Variants in DLGAP1 observed in about 807,000 individuals in gnomAD.
The protein encoded by DLGAP1 is disks large-associated protein 1.
A neutral mutation model predicts 90.8 loss-of-function variants in DLGAP1; 11 were observed. That is an observed-to-expected ratio of 0.12 (90% CI 0.08 to 0.20). The LOEUF is 0.20. DLGAP1 is among the 10% of genes least tolerant of loss of function. The pLI is 1.00. For missense variants in DLGAP1, 1,050 were observed against 1,333.8 expected (o/e 0.79, Z 3.31); for synonymous variants, 558 against 540.7 (o/e 1.03, Z -0.44).
intron 7 of DLGAP1, among the ~76,000 whole-genome samples, chr18:3,654,492 G>T (rs540744264): frequency 7.5e-4 from 114 of 152,308 alleles, no homozygotes; most frequent in South Asian, 1.9e-3. Flanking sequence ...GTGGAATACT[G>T]CACTCAAACC....
intron 2 of DLGAP1, among the ~76,000 whole-genome samples, chr18:4,048,059 A>G (rs766591417): frequency 1.4e-4 from 22 of 152,098 alleles, no homozygotes; most frequent in Non-Finnish European, 2.6e-4. Context: ...TGGCCTCTCA[A>G]AGTGCTGGGA....
At chr18:4,367,908 C>T (rs777670321) in intron 1 of DLGAP1, among the ~76,000 whole-genome samples, 1 of 151,804 alleles carries the variant, frequency 6.6e-6, no homozygotes, top group Non-Finnish European at 1.5e-5. Context: ...ATTTAGTTGG[C>T]CACGTATTTT....
chr18:4,338,159 C>T (rs1464498430), intron 1 of DLGAP1, among the ~76,000 whole-genome samples: 1 of 152,128 alleles, frequency 6.6e-6, no homozygotes, highest in East Asian at 1.9e-4. Context: ...CATCTATTTT[C>T]CACTGTCAAG....
In DLGAP1 at chr18:3,766,600, A is replaced by G. The variant is rs945124560; in HGVS notation, c.1173-24088T>C. ...CATAAAAAAAAACTCAACAAACTTG[A>G]AAGAACTGAAATATACATAGTGTAT... is the stretch of plus-strand genomic sequence containing the variant. On this transcript the variant is annotated intron_variant, in intron 5 of 12. Coordinates refer to ENST00000315677, the MANE Select transcript of DLGAP1 (RefSeq NM_004746.4). Among the ~76,000 whole-genome samples, 64 of 152,300 alleles carry G rather than the reference A, an allele frequency of 4.2e-4. 1 individual carries two copies. The highest frequency in any genetic ancestry group is 1.5e-3 in the African/African-American group (61 of 41,554).
At chr18:4,156,774 C>CT (rs1304477614) in intron 1 of DLGAP1, among the ~76,000 whole-genome samples, 2 of 152,090 alleles carry the variant, frequency 1.3e-5, no homozygotes, top group Non-Finnish European at 2.9e-5. Flanking sequence ...ACAGATCTTG[C>CT]TTTTTTTACT....
intron 5 of DLGAP1, among the ~76,000 whole-genome samples, chr18:3,761,694 G>A (rs938453981): frequency 4.6e-5 from 7 of 151,954 alleles, no homozygotes; most frequent in Admixed American, 2.0e-4. Context: ...TCCTGCTTCA[G>A]CCTCCTGAGT....
rs571153124 is a variant in DLGAP1 at position 4,042,583 on chromosome 18, C to CA, written c.-158-37383dup. 5.3e-5 allele frequency among the ~76,000 whole-genome samples: 8 copies of CA among 152,094 alleles called. 1 individual carries two copies. In the East Asian group the frequency reaches 1.4e-3, roughly 26 times the overall value. On this transcript the variant is annotated intron_variant, in intron 2 of 12. Transcript: ENST00000315677. ...TGAAACCTTGTCTCTACTAAAAATACAAAAAATTAGCTGGTCAGGGGTGGC... is the reference window on the plus strand; with the variant it reads ...TGAAACCTTGTCTCTACTAAAAATACAAAAAAATTAGCTGGTCAGGGGTGGC...
chr18:3,742,407 T>C lies in DLGAP1; in HGVS notation c.1278A>G (p.Ala426=). Residue 426 remains alanine (A), a synonymous_variant, in exon 6 of 13, where the codon GCA becomes GCG. Transcript: ENST00000315677. The stretch of plus-strand genomic sequence containing the variant: ...GGAACTTTGGTGATGTGAGCAAGCC[T>C]GCAGGGTCCAGGCTGTCCAGGCTCC... ...INRSLDSLDP[A]GLLTSPKFRS... is the part of the protein sequence containing the mutation. The C allele has an allele frequency of 1.9e-6, 3 of 1,614,184 alleles. No homozygotes were observed. Among genetic ancestry groups the C allele is most frequent in the Non-Finnish European group, 2.5e-6 (3 of 1,180,028 alleles).
chr18:3,755,650 A>G (rs748036015), intron 5 of DLGAP1, among the ~76,000 whole-genome samples: 2 of 152,212 alleles, frequency 1.3e-5, no homozygotes, highest in Non-Finnish European at 2.9e-5. Context: ...GCACCTAACA[A>G]TAGAGTCCCA....
At chr18:4,081,363 C>G (rs2075605936) in intron 2 of DLGAP1, among the ~76,000 whole-genome samples, 1 of 151,102 alleles carries the variant, frequency 6.6e-6, no homozygotes, top group Admixed American at 6.6e-5. Context: ...GACCTTCCAA[C>G]AAACCTTCAG....
chr18:4,389,516 G>C (rs957479082), intron 1 of DLGAP1, among the ~76,000 whole-genome samples: 1 of 152,148 alleles, frequency 6.6e-6, no homozygotes, highest in Non-Finnish European at 1.5e-5. Context: ...AATGTTCTGT[G>C]TAATTTACTA....
chr18:4,213,224 A>G (rs1233437318), intron 1 of DLGAP1, among the ~76,000 whole-genome samples: 1 of 152,140 alleles, frequency 6.6e-6, no homozygotes, highest in Non-Finnish European at 1.5e-5. Flanking sequence ...CTTTACTCTG[A>G]GGGCGAAGAG....
intron 2 of DLGAP1, among the ~76,000 whole-genome samples, chr18:4,024,605 AG>A (rs1439974739): frequency 6.6e-5 from 10 of 152,198 alleles, no homozygotes; most frequent in African/African-American, 2.4e-4. Flanking sequence ...TCTGTCTAGA[AG>A]GGGTCAGGGG....
chr18:3,603,998 T>C (rs532856661), intron 7 of DLGAP1: 36 of 154,428 alleles, frequency 2.3e-4, no homozygotes, highest in African/African-American at 7.5e-4. Flanking sequence ...AGAGCGTGCA[T>C]GAAGAAGAAA....
chr18:4,284,075 GGGA>G (rs1205361158), intron 1 of DLGAP1, among the ~76,000 whole-genome samples: 2 of 151,938 alleles, frequency 1.3e-5, no homozygotes, highest in African/African-American at 4.8e-5. Context: ...AGGTGGAGGG[GGGA>G]GGATGGCTTA....
At chr18:4,219,233 A>T (rs2078027212) in intron 1 of DLGAP1, among the ~76,000 whole-genome samples, 1 of 151,752 alleles carries the variant, frequency 6.6e-6, no homozygotes. Context: ...GATTAGGATA[A>T]TAAACATTTT....
chr18:3,975,546 C>T (rs1194531748), intron 3 of DLGAP1, among the ~76,000 whole-genome samples: 1 of 152,082 alleles, frequency 6.6e-6, no homozygotes. Flanking sequence ...CACAGAATTA[C>T]CGTATGATCC....
chr18:4,441,454 T>A (rs987711473), intron 1 of DLGAP1, among the ~76,000 whole-genome samples: 2 of 152,188 alleles, frequency 1.3e-5, no homozygotes, highest in Non-Finnish European at 2.9e-5. Flanking sequence ...ATAGCCTGCA[T>A]CCTGGAAGAA....
chr18:3,718,121 T>C (rs2061826203), intron 7 of DLGAP1, among the ~76,000 whole-genome samples: 1 of 152,184 alleles, frequency 6.6e-6, no homozygotes, highest in Non-Finnish European at 1.5e-5. Flanking sequence ...TGGATTTATG[T>C]CAACATTCTT....
Sources: allele counts gnomAD v4.1 joint callset (sites outside exome capture counted in the v4.1 genomes callset), GRCh38; gene constraint gnomAD v4.1.1; transcripts MANE v1.5; gene names NCBI Gene and HGNC (gene_info 2026-07-23, HGNC 2026-07-21).